SHISA6: variants seen among roughly 807,000 people sequenced by gnomAD.
SHISA6 encodes the protein shisa family member 6, also known as protein shisa-6.
SHISA6 carries 22 observed loss-of-function variants against 47.9 expected under a neutral mutation model. The observed-to-expected ratio is 0.46, with a 90% CI of 0.33 to 0.66. The LOEUF is 0.66. SHISA6 is among the 30% of genes least tolerant of loss of function. SHISA6 has a pLI of 0.02. For missense variants in SHISA6, 680 were observed against 764.6 expected, an observed-to-expected ratio of 0.89 and a Z score of 1.30; for synonymous variants, 388 against 337.8, an observed-to-expected ratio of 1.15 and a Z score of -1.63.
intron 1 of SHISA6, among the ~76,000 whole-genome samples, chr17:11,244,663 G>A (rs193216993): frequency 6.6e-5 from 10 of 152,306 alleles, no homozygotes; most frequent in African/African-American, 2.4e-4. Flanking sequence ...TATTCACACC[G>A]TAATGAGTTT....
At chr17:11,387,441 G>A (rs546362936) in intron 3 of SHISA6, among the ~76,000 whole-genome samples, 11 of 152,242 alleles carry the variant, frequency 7.2e-5, no homozygotes, top group African/African-American at 2.6e-4. Context: ...CAAACCCACC[G>A]ATCTGAGGAG....
intron 2 of SHISA6, among the ~76,000 whole-genome samples, chr17:11,293,408 C>T (rs1350118943): frequency 6.6e-6 from 1 of 152,106 alleles, no homozygotes; most frequent in African/African-American, 2.4e-5. Context: ...AGGATAATTT[C>T]CAGAGATTCG....
In SHISA6 at chr17:11,241,460, C is replaced by T; in HGVS notation, c.38C>T (p.Ser13Leu). ...CGCCTCCTGCTGCTGCTGCTGCTCT[C>T]GCTGGAGTCCCTGGACCTGCTGCCC... ...LRRLLLLLLL[S>L]LESLDLLPSV... Residue 13 changes from serine (S) to leucine (L), a missense_variant, in exon 1 of 6, where the codon TCG becomes TTG. By Grantham distance (145) the Ser-to-Leu change is moderately radical (BLOSUM62 -2). Around this residue, in one of 2 missense-constraint regions of SHISA6, gnomAD observed 121 missense variants for 90.5 expected, o/e 1.34. Coordinates refer to ENST00000441885, the MANE Select transcript of SHISA6 (RefSeq NM_207386.4). This position sits in a 1 kb window ranked among gnomAD's most constrained non-coding sequence, Gnocchi z 5.5. 1 of 1,212,914 alleles carries T rather than the reference C, an allele frequency of 8.2e-7. No individual in the cohort carries two copies. The highest frequency in any genetic ancestry group is 1.0e-6 in the Non-Finnish European group (1 of 957,792). 75.1% of individuals were successfully genotyped at this position (1,212,914 alleles called of 1,614,324 possible).
intron 2 of SHISA6, among the ~76,000 whole-genome samples, chr17:11,296,558 A>G (rs997030591): frequency 1.3e-5 from 2 of 152,144 alleles, no homozygotes; most frequent in African/African-American, 4.8e-5. Flanking sequence ...TGGATGCTGG[A>G]AATGAAGACT....
At position 11,244,779 on chromosome 17, in the gene SHISA6, T is replaced by C. The variant is rs142456505; in HGVS notation, c.638+2719T>C. Among the ~76,000 whole-genome samples the C allele has an allele frequency of 8.5e-5, 13 of 152,338 alleles. No individual in the cohort carries two copies. In the East Asian group the frequency reaches 9.7e-4, roughly 11 times the overall value. Reference sequence around the variant, plus strand: ...ATTCCTTGAAATAGCTCAGCAAAGATGTTTCCTTTCTGAACAAGAAAGACA... The same window carrying C: ...ATTCCTTGAAATAGCTCAGCAAAGACGTTTCCTTTCTGAACAAGAAAGACA... On this transcript the variant is annotated intron_variant, in intron 1 of 5. Coordinates refer to ENST00000441885, the MANE Select transcript of SHISA6 (RefSeq NM_207386.4).
chr17:11,527,148 C>G (rs1484731781), intron 3 of SHISA6, among the ~76,000 whole-genome samples: 1 of 152,004 alleles, frequency 6.6e-6, no homozygotes, highest in Admixed American at 6.6e-5. Flanking sequence ...GCTTGATTAA[C>G]CATGGGTTTG....
chr17:11,482,338 T>C (rs1916242491), intron 3 of SHISA6, among the ~76,000 whole-genome samples: 1 of 152,222 alleles, frequency 6.6e-6, no homozygotes, highest in Non-Finnish European at 1.5e-5. Context: ...ACATTTGCCA[T>C]GTTCTCCGTA....
At chr17:11,481,366 G>GTATATATATATATATATATATATA (rs768989352) in intron 3 of SHISA6, among the ~76,000 whole-genome samples, 1 of 110,274 alleles carries the variant, frequency 9.1e-6, no homozygotes, top group African/African-American at 3.3e-5. Context: ...GTGTGTGTGT[G>GTATATATATATATATATATATATA]TATATATATA....
In SHISA6 at chr17:11,285,837, C is replaced by CT. The variant is rs111973369; in HGVS notation, c.799+22328dup. On this transcript the variant is annotated intron_variant, in intron 2 of 5. Transcript: ENST00000441885. ...TGTGGCTCTGTGTCTCTCTCTCTCT[C>CT]TTTTTTTTTTTTTTTTTGAGATGGA... Among the ~76,000 whole-genome samples the CT allele has an allele frequency of 8.1e-3, 1,140 of 140,750 alleles. 14 individuals carry two copies. The highest frequency in any genetic ancestry group is 0.026 in the African/African-American group (987 of 38,104). The allele number at this position is 140,750 out of a possible 152,430, so 92.3% of individuals were successfully genotyped here.
intron 2 of SHISA6, among the ~76,000 whole-genome samples, chr17:11,362,658 A>C (rs750383406): frequency 6.6e-6 from 1 of 152,226 alleles, no homozygotes; most frequent in Non-Finnish European, 1.5e-5. Flanking sequence ...AGGAAGATTT[A>C]ATTTTCTCAT....
chr17:11,277,515 G>A (rs1399635581), intron 2 of SHISA6, among the ~76,000 whole-genome samples: 5 of 152,014 alleles, frequency 3.3e-5, no homozygotes, highest in African/African-American at 9.7e-5. Flanking sequence ...GCACTTAGTA[G>A]GCATTCAATA....
intron 3 of SHISA6, among the ~76,000 whole-genome samples, chr17:11,531,668 C>T (rs1474216600): frequency 1.3e-5 from 2 of 152,132 alleles, no homozygotes; most frequent in Admixed American, 6.5e-5. Context: ...TAAAGTTTAT[C>T]GAGTCCTTCA....
At chr17:11,280,253 C>T (rs1052477727) in intron 2 of SHISA6, among the ~76,000 whole-genome samples, 3 of 152,200 alleles carry the variant, frequency 2.0e-5, no homozygotes, top group Non-Finnish European at 4.4e-5. Flanking sequence ...AGTCATTAAT[C>T]TGTGCAAACA....
Position 11,263,434 on chromosome 17 carries a change from C to T in SHISA6, c.707C>T (p.Ser236Leu), listed in dbSNP as rs1158641371. Residue 236 changes from serine to leucine, a missense_variant, in exon 2 of 6, where the codon TCG becomes TTG. Coordinates refer to ENST00000441885, the MANE Select transcript of SHISA6 (RefSeq NM_207386.4). ...GCACACTGTGAAAGAGAAACTATCT[C>T]GGCTATCGATACCTCTCCCAAAGAG... is the stretch of plus-strand genomic sequence containing the variant. ...PIAHCERETISAIDTSPKENT... is the reference protein window; with the variant it reads ...PIAHCERETILAIDTSPKENT... The T allele has an allele frequency of 2.3e-5, 36 of 1,551,796 alleles. No individual in the cohort carries two copies. The highest frequency in any genetic ancestry group is 2.7e-5 in the Non-Finnish European group (31 of 1,147,062).
chr17:11,476,943 TG>T (rs1916065649), intron 3 of SHISA6, among the ~76,000 whole-genome samples: 1 of 152,170 alleles, frequency 6.6e-6, no homozygotes, highest in Non-Finnish European at 1.5e-5. Context: ...GGCCTTCTCT[TG>T]TTAGGCACAT....
intron 3 of SHISA6, among the ~76,000 whole-genome samples, chr17:11,396,446 C>T (rs1027389321): frequency 7.2e-5 from 11 of 152,182 alleles, no homozygotes; most frequent in Non-Finnish European, 1.3e-4. Context: ...CTGCAATAAA[C>T]GTACGTGTGC....
chr17:11,493,570 CGCGT>C (rs2071383762), intron 3 of SHISA6, among the ~76,000 whole-genome samples: 6 of 108,694 alleles, frequency 5.5e-5, no homozygotes, highest in East Asian at 2.9e-4. Flanking sequence ...TGTGGATACA[CGCGT>C]GCGCGCGCAC....
At chr17:11,300,508 G>T (rs1226375376) in intron 2 of SHISA6, among the ~76,000 whole-genome samples, 9 of 152,154 alleles carry the variant, frequency 5.9e-5, no homozygotes, top group Non-Finnish European at 1.0e-4. Context: ...GATGAAGCCT[G>T]TGGGCCATTT....
chr17:11,439,165 T>C (rs1178913585), intron 3 of SHISA6, among the ~76,000 whole-genome samples: 1 of 152,168 alleles, frequency 6.6e-6, no homozygotes, highest in African/African-American at 2.4e-5. Flanking sequence ...TTCAGTTTTT[T>C]ACACCCAAGA....
Sources: allele counts gnomAD v4.1 joint callset (sites outside exome capture counted in the v4.1 genomes callset), GRCh38; gene constraint gnomAD v4.1.1; regional missense constraint gnomAD v4.1.1; non-coding constraint Gnocchi (gnomAD v3.1); transcripts MANE v1.5; gene names NCBI Gene and HGNC (gene_info 2026-07-23, HGNC 2026-07-21).